ARNT2: variants seen among roughly 807,000 people sequenced by gnomAD.
The protein encoded by ARNT2 is aryl hydrocarbon receptor nuclear translocator 2, also known as ARNT protein 2.
ARNT2 carries 36 observed loss-of-function variants against 91.7 expected under a neutral mutation model. That is an observed-to-expected ratio of 0.39 (90% confidence interval 0.30 to 0.52). The LOEUF is 0.52. Ranked by LOEUF, ARNT2 falls within the 20% of genes least tolerant of loss-of-function variation. ARNT2 has a pLI of 0.72. For synonymous variants in ARNT2, 365 were observed against 347.1 expected (o/e 1.05, Z -0.57); for missense variants, 775 against 939.3 (o/e 0.83, Z 2.29).
At chr15:80,427,115 C>A (rs1201737801) in intron 1 of ARNT2, among the ~76,000 whole-genome samples, 1 of 152,134 alleles carries the variant, frequency 6.6e-6, no homozygotes, top group African/African-American at 2.4e-5. Context: ...GCTCAAAATT[C>A]TTTCTGTTGG....
chr15:80,482,068 T>C (rs1177152989), intron 5 of ARNT2, among the ~76,000 whole-genome samples: 2 of 152,066 alleles, frequency 1.3e-5, no homozygotes, highest in Non-Finnish European at 2.9e-5. Flanking sequence ...GTCACTGCAC[T>C]CAGCTAATTT....
At chr15:80,547,901 G>C (rs960813720) in intron 8 of ARNT2, among the ~76,000 whole-genome samples, 14 of 152,076 alleles carry the variant, frequency 9.2e-5, no homozygotes, top group African/African-American at 3.4e-4. Flanking sequence ...AAAATTATGT[G>C]ATGGGTAAAA....
intron 8 of ARNT2, among the ~76,000 whole-genome samples, chr15:80,530,772 C>T (rs1170995279): frequency 6.6e-6 from 1 of 152,122 alleles, no homozygotes; most frequent in Non-Finnish European, 1.5e-5. Flanking sequence ...AGCAGAAACC[C>T]TGAAATGCAA....
intron 1 of ARNT2, among the ~76,000 whole-genome samples, chr15:80,433,247 A>ATTTTATTTTTT (rs1555455365): frequency 1.4e-5 from 1 of 70,196 alleles, no homozygotes; most frequent in Non-Finnish European, 2.8e-5. Flanking sequence ...ATTTTATTTT[A>ATTTTATTTTTT]TTTTATTTTA....
At chr15:80,448,917 G>A (rs1595967485) in intron 1 of ARNT2, among the ~76,000 whole-genome samples, 3 of 152,120 alleles carry the variant, frequency 2.0e-5, no homozygotes, top group African/African-American at 4.8e-5. Flanking sequence ...CCCGGGAGGT[G>A]GAGCTTGCAG....
At chr15:80,425,588 C>CA (rs1332879375) in intron 1 of ARNT2, among the ~76,000 whole-genome samples, 1 of 151,548 alleles carries the variant, frequency 6.6e-6, no homozygotes, top group African/African-American at 2.4e-5. Context: ...TTATTTTTTC[C>CA]AAAAAAATGG....
chr15:80,572,313 G>C (rs1335141903), intron 12 of ARNT2, among the ~76,000 whole-genome samples: 1 of 152,032 alleles, frequency 6.6e-6, no homozygotes, highest in Non-Finnish European at 1.5e-5. Context: ...CCAAGCCTGT[G>C]CTTTTGCTGA....
At chr15:80,415,042 T>A (rs180837524) in intron 1 of ARNT2, among the ~76,000 whole-genome samples, 1 of 152,176 alleles carries the variant, frequency 6.6e-6, no homozygotes, top group East Asian at 1.9e-4. Context: ...ACCCCCTCCA[T>A]TTCTTTCCTG....
intron 8 of ARNT2, 55 bp downstream of exon 8, chr15:80,514,460 C>A: frequency 6.8e-7 from 1 of 1,463,390 alleles, no homozygotes; most frequent in Non-Finnish European, 9.6e-7. Context: ...CATACCTGAC[C>A]ATGGTGTCCT....
At position 80,495,763 on chromosome 15, in the gene ARNT2, C is replaced by T. The variant is rs192123608; in HGVS notation, c.623-12393C>T. Among the ~76,000 whole-genome samples the T allele has an allele frequency of 4.6e-5, 7 of 152,324 alleles. No homozygotes were observed. In the East Asian group the frequency reaches 1.2e-3, roughly 25 times the overall value. On this transcript the variant is annotated intron_variant, in intron 5 of 18. Transcript: ENST00000303329. ...CTCCAGCCCCTCTCCCTGTGGAGCT[C>T]CAGCCAAACAGGACTTTGTACTATT...
rs751752058 is a variant in ARNT2, at chr15:80,581,256, C to G, written c.1770C>G (p.Ser590=). Reference sequence around the variant, plus strand: ...GATTGTAGCAAATCCCATCTCAGTCCAGCAAGACTCAGTCATCTCCCTTTG... The same window carrying G: ...GATTGTAGCAAATCCCATCTCAGTCGAGCAAGACTCAGTCATCTCCCTTTG... ...PFPGQQIPSQ[S]SKTQSSPFGI... Residue 590 remains serine (S), a synonymous_variant, in exon 17 of 19, where the codon TCC becomes TCG. Transcript: ENST00000303329. 5 of 1,614,162 alleles carry G rather than the reference C, an allele frequency of 3.1e-6. No individual in the cohort carries two copies. The highest frequency in any genetic ancestry group is 1.7e-4 in the Middle Eastern group (1 of 6,060).
At chr15:80,481,076 C>T (rs899453013) in intron 5 of ARNT2, among the ~76,000 whole-genome samples, 2 of 151,770 alleles carry the variant, frequency 1.3e-5, no homozygotes, top group Admixed American at 1.3e-4. Flanking sequence ...CAGGTTGGTC[C>T]CCAAGGGATC....
chr15:80,552,878 C>T, intron 10 of ARNT2, 104 bp downstream of exon 10: 1 of 1,431,364 alleles, frequency 7.0e-7, no homozygotes, highest in Non-Finnish European at 9.6e-7. Context: ...TGTGGAGAAA[C>T]ATCATAAAGA....
Position 80,593,581 on chromosome 15 carries a change from C to A in ARNT2, c.2056-19C>A. On this transcript the variant is annotated intron_variant, in intron 18 of 18. Coordinates refer to ENST00000303329, the MANE Select transcript of ARNT2 (RefSeq NM_014862.4). ...GAGGAGCTGACTCCCCTGTGGCTCT[C>A]TTTTCCTCTCCTCTGCAGGACATGC... 1 of 1,565,598 alleles carries A rather than the reference C, an allele frequency of 6.4e-7. No homozygotes were observed. The highest frequency in any genetic ancestry group is 2.3e-5 in the East Asian group (1 of 42,754).
chr15:80,489,293 T>A (rs1196029676), intron 5 of ARNT2, among the ~76,000 whole-genome samples: 2 of 152,258 alleles, frequency 1.3e-5, no homozygotes, highest in African/African-American at 2.4e-5. Context: ...CTTTCCTGTT[T>A]ATTGCTTTTT....
At chr15:80,552,963 C>T (rs1049907514) in intron 10 of ARNT2, among the ~76,000 whole-genome samples, 189 bp downstream of exon 10, 3 of 152,230 alleles carry the variant, frequency 2.0e-5, no homozygotes, top group African/African-American at 4.8e-5. Flanking sequence ...ACTTGTGCCA[C>T]TTAACATGGA....
chr15:80,442,896 G>C, intron 1 of ARNT2: 1 of 985,400 alleles, frequency 1.0e-6, no homozygotes. Flanking sequence ...ATCTGACGCC[G>C]ACACACTATT....
At chr15:80,476,739 A>G (rs768637457) in intron 5 of ARNT2, among the ~76,000 whole-genome samples, 8 of 152,250 alleles carry the variant, frequency 5.3e-5, no homozygotes, top group Non-Finnish European at 7.3e-5. Flanking sequence ...ATTTTCTCAT[A>G]GTTCTGGAGG....
At chr15:80,510,899 GAA>G (rs747150274) in intron 6 of ARNT2, among the ~76,000 whole-genome samples, 1 of 152,084 alleles carries the variant, frequency 6.6e-6, no homozygotes, top group Non-Finnish European at 1.5e-5. Flanking sequence ...AGGTTGTGGA[GAA>G]AAAGGAATAC....
Sources: allele counts gnomAD v4.1 joint callset (sites outside exome capture counted in the v4.1 genomes callset), GRCh38; gene constraint gnomAD v4.1.1; transcripts MANE v1.5; gene names NCBI Gene and HGNC (gene_info 2026-07-23, HGNC 2026-07-21).